The following LPO variants were observed in gnomAD, a reference collection of about 807,000 sequenced individuals.
LPO encodes the protein lactoperoxidase, also known as salivary peroxidase.
LPO carries 70 observed loss-of-function variants against 68.4 expected under a neutral mutation model. That is an observed-to-expected ratio of 1.02 (90% CI 0.84 to 1.25). LPO has a LOEUF of 1.25. LPO is among the 50% of genes most tolerant of loss of function. LPO has a pLI of 0.00. For missense variants in LPO, 873 were observed against 908.4 expected (o/e 0.96, Z 0.50); for synonymous variants, 360 against 357.6 (o/e 1.01, Z -0.08).
chr17:58,257,149 G>T (rs1003578221), intron 9 of LPO, among the ~76,000 whole-genome samples: 2 of 151,784 alleles, frequency 1.3e-5, no homozygotes, highest in African/African-American at 4.8e-5. Flanking sequence ...GGCCAGGCTG[G>T]TCTCAAACTC....
intron 10 of LPO, 69 bp from the exon 11 acceptor site, chr17:58,266,084 A>T (rs1970257218): frequency 1.4e-6 from 2 of 1,474,378 alleles, no homozygotes; most frequent in Non-Finnish European, 1.9e-6. Context: ...GTGGAGGCAG[A>T]GGCAAGCCAT....
At position 58,249,554 on chromosome 17, in the gene LPO, T is replaced by C; in HGVS notation, c.444-12T>C. 1.2e-6 allele frequency: 2 copies of C among 1,603,194 alleles called. No homozygotes were observed. The highest frequency in any genetic ancestry group is 1.7e-5 in the Admixed American group (1 of 59,766). On this transcript the variant is annotated splice_polypyrimidine_tract_variant and intron_variant, in intron 5 of 12. Transcript: ENST00000262290. The stretch of plus-strand genomic sequence containing the variant: ...GCCTGCCGAAGCTCAGCGAGGATCG[T>C]GCTGGTTTCAGGAGGAAGCCTGCGC...
In LPO at chr17:58,256,905, C is replaced by T. The variant is rs142765967; in HGVS notation, c.1266+1934C>T. Among the ~76,000 whole-genome samples the T allele has an allele frequency of 2.7e-4, 41 of 149,166 alleles. No individual in the cohort carries two copies. The East Asian group carries it at 7.9e-3, about 29-fold the overall frequency. ...GAGTTGCAAACAATCCAGTTACACT[C>T]TTAAGTTATTTGAAAATGCACAATT... On this transcript the variant is annotated intron_variant, in intron 9 of 12. Transcript: ENST00000262290.
At chr17:58,258,308 G>T (rs548762902) in intron 9 of LPO, among the ~76,000 whole-genome samples, 2 of 152,262 alleles carry the variant, frequency 1.3e-5, no homozygotes, top group South Asian at 4.1e-4. Flanking sequence ...ATTTTGATTT[G>T]ATTTTTATAT....
chr17:58,268,036 C>G lies in LPO; in HGVS notation c.*42C>G. 1 of 1,584,472 alleles carries G rather than the reference C, an allele frequency of 6.3e-7. No homozygotes were observed. The highest frequency in any genetic ancestry group is 8.7e-7 in the Non-Finnish European group (1 of 1,155,824). Reference sequence around the variant, plus strand: ...GGAAAGTTCCCTTTGGTCCACAGGGCCATTTCAAGCAAGTTCAATGACCTG... The same window carrying G: ...GGAAAGTTCCCTTTGGTCCACAGGGGCATTTCAAGCAAGTTCAATGACCTG... On this transcript the variant is annotated 3_prime_UTR_variant, in exon 13 of 13. Coordinates refer to ENST00000262290, the MANE Select transcript of LPO (RefSeq NM_006151.3).
intron 9 of LPO, among the ~76,000 whole-genome samples, chr17:58,264,198 G>A (rs977287583): frequency 2.0e-5 from 3 of 152,146 alleles, no homozygotes; most frequent in African/African-American, 7.2e-5. Flanking sequence ...AGGTTATGTG[G>A]AGGCATTTTT....
At chr17:58,254,152 T>TATAGATATATAGATAGATAGATAGATAG (rs1555605278) in intron 8 of LPO, among the ~76,000 whole-genome samples, 37 of 133,394 alleles carry the variant, frequency 2.8e-4, no homozygotes, top group East Asian at 1.1e-3. Context: ...TATATAGATA[T>TATAGATATATAGATAGATAGATAGATAG]ATAGATAGAT....
intron 3 of LPO, among the ~76,000 whole-genome samples, chr17:58,244,826 C>T (rs1969824468): frequency 6.6e-6 from 1 of 152,210 alleles, no homozygotes; most frequent in South Asian, 2.1e-4. Flanking sequence ...GCAGATGCAC[C>T]CATGGCAGCA....
At chr17:58,252,039 G>A in intron 7 of LPO, 143 bp from the exon 8 acceptor site, 1 of 775,156 alleles carries the variant, frequency 1.3e-6, no homozygotes, top group Non-Finnish European at 2.3e-6. Flanking sequence ...ATGTCAGCAA[G>A]AAGTGTCTGG....
chr17:58,255,766 A>G (rs1270014291), intron 9 of LPO, among the ~76,000 whole-genome samples: 1 of 152,192 alleles, frequency 6.6e-6, no homozygotes, highest in African/African-American at 2.4e-5. Context: ...ATTAGCATGT[A>G]AGTGCTAATG....
At chr17:58,258,456 G>A (rs945392931) in intron 9 of LPO, among the ~76,000 whole-genome samples, 3 of 152,166 alleles carry the variant, frequency 2.0e-5, no homozygotes, top group Non-Finnish European at 4.4e-5. Context: ...AACTGTAGAT[G>A]TGTGGATTTG....
At chr17:58,256,996 T>TA (rs1265005455) in intron 9 of LPO, among the ~76,000 whole-genome samples, 1 of 140,930 alleles carries the variant, frequency 7.1e-6, no homozygotes, top group Non-Finnish European at 1.5e-5. Context: ...TACTCTTTTT[T>TA]TTTTTTTTTT....
chr17:58,256,697 C>T (rs1368158525), intron 9 of LPO, among the ~76,000 whole-genome samples: 3 of 151,670 alleles, frequency 2.0e-5, no homozygotes, highest in Non-Finnish European at 4.4e-5. Context: ...GCCTGTAGTC[C>T]CAGCTACTCG....
intron 8 of LPO, among the ~76,000 whole-genome samples, chr17:58,254,152 T>TATAGATAGATAG (rs34548791): frequency 0.12 from 16,254 of 133,204 alleles, 976 homozygotes; most frequent in Non-Finnish European, 0.14. Context: ...TATATAGATA[T>TATAGATAGATAG]ATAGATAGAT....
chr17:58,257,946 G>A (rs1033595144), intron 9 of LPO, among the ~76,000 whole-genome samples: 2 of 152,170 alleles, frequency 1.3e-5, no homozygotes, highest in African/African-American at 4.8e-5. Flanking sequence ...TTTGAGAAAT[G>A]TCTATTCAAA....
intron 3 of LPO, 77 bp from the exon 4 acceptor site, chr17:58,247,401 C>G: frequency 7.4e-7 from 1 of 1,343,330 alleles, no homozygotes; most frequent in Non-Finnish European, 1.0e-6. Flanking sequence ...GTACACACAC[C>G]CCTCCCACCC....
intron 3 of LPO, among the ~76,000 whole-genome samples, chr17:58,245,622 T>C (rs1482730569): frequency 6.6e-6 from 1 of 152,126 alleles, no homozygotes; most frequent in Non-Finnish European, 1.5e-5. Flanking sequence ...CTCCGTGCTC[T>C]CAGGACACTG....
chr17:58,252,186 C>T lies in LPO; in HGVS notation c.785C>T (p.Pro262Leu). 5 of 1,613,694 alleles carry T rather than the reference C, an allele frequency of 3.1e-6. No individual in the cohort carries two copies. Among genetic ancestry groups the T allele is most frequent in the Admixed American group, 1.7e-5 (1 of 60,010 alleles). ...QGDNCFPIMF[P>L]PNDPKAGTQG... is the part of the protein sequence containing the mutation. ...TTATGCCCACTCTCTCTGCAGTTCC[C>T]ACCCAATGACCCCAAGGCGGGGACT... Residue 262 changes from proline to leucine, a missense_variant, in exon 8 of 13, where the codon CCA becomes CTA. By Grantham distance (98) the Pro-to-Leu change is moderately conservative (BLOSUM62 -3). Coordinates refer to ENST00000262290, the MANE Select transcript of LPO (RefSeq NM_006151.3).
intron 2 of LPO, 44 bp from the exon 3 acceptor site, chr17:58,243,950 T>C (rs376501044): frequency 2.1e-5 from 26 of 1,251,670 alleles, no homozygotes; most frequent in Non-Finnish European, 2.9e-5. Flanking sequence ...CGCAAAGGAG[T>C]GGTGTCTGAC....
Sources: allele counts gnomAD v4.1 joint callset (sites outside exome capture counted in the v4.1 genomes callset), GRCh38; gene constraint gnomAD v4.1.1; transcripts MANE v1.5; gene names NCBI Gene and HGNC (gene_info 2026-07-23, HGNC 2026-07-21).